The following EVI5 variants were observed in gnomAD, a reference collection of about 807,000 sequenced individuals.
EVI5 encodes the protein ecotropic viral integration site 5, also known as ecotropic viral integration site 5 protein homolog.
EVI5 carries 73 observed loss-of-function variants against 112.0 expected under a neutral mutation model. The ratio of observed to expected loss-of-function variants is 0.65; its 90% CI spans 0.54 to 0.79. The LOEUF (loss-of-function observed/expected upper bound fraction) is 0.79. Ranked by LOEUF, EVI5 falls within the 30% of genes least tolerant of loss-of-function variation. The pLI, the probability that EVI5 is intolerant of heterozygous loss-of-function variation, is 0.00. For missense variants in EVI5, 900 were observed against 968.8 expected (o/e 0.93, Z 0.94); for synonymous variants, 305 against 319.9 (o/e 0.95, Z 0.50).
chr1:92,779,548 G>T (rs1558250722), intron 1 of EVI5, among the ~76,000 whole-genome samples: 1 of 151,712 alleles, frequency 6.6e-6, no homozygotes, highest in Non-Finnish European at 1.5e-5. Context: ...TTAAGAAAAC[G>T]ATTTTTAACA....
intron 19 of EVI5, among the ~76,000 whole-genome samples, chr1:92,551,040 CT>C (rs55898086): frequency 6.9e-4 from 56 of 80,718 alleles, no homozygotes; most frequent in Admixed American, 1.0e-3. Flanking sequence ...TTCTTTCTTT[CT>C]TTTTTTTTTT....
chr1:92,528,399 A>G (rs1490022837), intron 19 of EVI5, among the ~76,000 whole-genome samples: 1 of 152,182 alleles, frequency 6.6e-6, no homozygotes, highest in East Asian at 1.9e-4. Context: ...AATTATTTTC[A>G]TTCTCAAAAG....
intron 19 of EVI5, among the ~76,000 whole-genome samples, chr1:92,561,614 T>TA (rs1557790344): frequency 5.3e-3 from 413 of 77,204 alleles, no homozygotes; most frequent in Non-Finnish European, 7.2e-3. Context: ...CTATCCTATC[T>TA]ATCTATCTAT....
intron 19 of EVI5, among the ~76,000 whole-genome samples, chr1:92,545,779 T>C (rs1665588721): frequency 1.3e-5 from 2 of 152,170 alleles, no homozygotes; most frequent in Admixed American, 6.5e-5. Context: ...CTCTCTCACT[T>C]TGGCTTCAGG....
intron 16 of EVI5, among the ~76,000 whole-genome samples, chr1:92,621,786 T>A (rs989716410): frequency 5.3e-5 from 8 of 152,174 alleles, no homozygotes; most frequent in Non-Finnish European, 5.9e-5. Context: ...ACACATAAAC[T>A]GAAATTAAGA....
chr1:92,677,085 C>T, intron 10 of EVI5, 73 bp downstream of exon 10: 1 of 913,550 alleles, frequency 1.1e-6, no homozygotes, highest in Non-Finnish European at 1.7e-6. Flanking sequence ...ATAAGAAGTA[C>T]AAACTTTAAA....
intron 2 of EVI5, among the ~76,000 whole-genome samples, chr1:92,716,530 G>A (rs760445856): frequency 1.3e-5 from 2 of 152,232 alleles, no homozygotes; most frequent in Non-Finnish European, 2.9e-5. Context: ...GAGCAGAAAA[G>A]CTAAAAATTC....
Position 92,736,548 on chromosome 1 carries a change from T to G in EVI5, c.-2A>C. 1 of 1,614,056 alleles carries G rather than the reference T, an allele frequency of 6.2e-7. No homozygotes were observed. Among genetic ancestry groups the G allele is most frequent in the South Asian group, 1.1e-5 (1 of 91,086 alleles). The stretch of plus-strand genomic sequence containing the variant: ...TGGACTTGCCACCTGACTGGCCATC[T>G]GACTGACTGTATGCGATACTGTGTT... On this transcript the variant is annotated 5_prime_UTR_variant, in exon 2 of 20. Coordinates refer to ENST00000684568, the MANE Select transcript of EVI5 (RefSeq NM_001350197.2).
At position 92,611,020 on chromosome 1, in the gene EVI5, C is replaced by T. The variant is rs1022315326; in HGVS notation, c.1828-3293G>A. Among the ~76,000 whole-genome samples the T allele has an allele frequency of 2.6e-5, 4 of 151,274 alleles. No homozygotes were observed. The South Asian group carries it at 6.2e-4, about 24-fold the overall frequency. On this transcript the variant is annotated intron_variant, in intron 16 of 19. Coordinates refer to ENST00000684568, the MANE Select transcript of EVI5 (RefSeq NM_001350197.2). ...CTAGATGACGAGTTAGTGGGTGCAG[C>T]GCACCAGCATGGCACATGTATACAT...
At chr1:92,686,222 G>A (rs1238179089) in intron 9 of EVI5, among the ~76,000 whole-genome samples, 1 of 152,132 alleles carries the variant, frequency 6.6e-6, no homozygotes, top group Non-Finnish European at 1.5e-5. Context: ...CTTCATCCCT[G>A]GGATGCAAGG....
At chr1:92,786,319 C>A (rs1248161262), upstream of EVI5, among the ~76,000 whole-genome samples, 4 of 151,514 alleles carry the variant, frequency 2.6e-5, no homozygotes, top group African/African-American at 9.7e-5. Context: ...ATGCCCTCCA[C>A]CCAGCTAAAA....
intron 14 of EVI5, among the ~76,000 whole-genome samples, chr1:92,628,796 C>A (rs1656256740): frequency 6.6e-6 from 1 of 152,164 alleles, no homozygotes; most frequent in African/African-American, 2.4e-5. Flanking sequence ...AATTTTTGCT[C>A]ATAGGGATGA....
At chr1:92,735,613 A>G (rs1480578337) in intron 2 of EVI5, among the ~76,000 whole-genome samples, 1 of 146,146 alleles carries the variant, frequency 6.8e-6, no homozygotes, top group Admixed American at 7.0e-5. Flanking sequence ...TGTATTATAT[A>G]TAATTATATG....
chr1:92,550,472 G>C (rs1050440749), intron 19 of EVI5, among the ~76,000 whole-genome samples: 40 of 151,504 alleles, frequency 2.6e-4, no homozygotes, highest in Non-Finnish European at 4.4e-4. Context: ...TTGTGCACAT[G>C]TACCCTAGAA....
rs2107517 is a variant in EVI5, at chr1:92,782,030, G to A, written c.-82+2806C>T. Among the ~76,000 whole-genome samples the A allele has an allele frequency of 6.0e-5, 9 of 150,922 alleles. No homozygotes were observed. The South Asian group carries it at 1.9e-3, about 32-fold the overall frequency. ...AATCCCAGCACTTTAGGAGGCCGAG[G>A]TGGATGGATCATGAGGTCAAGAAAT... is the stretch of plus-strand genomic sequence containing the variant. On this transcript the variant is annotated intron_variant, in intron 1 of 19. Transcript: ENST00000684568.
chr1:92,788,257 C>T (rs560775988), upstream of EVI5, among the ~76,000 whole-genome samples: 2 of 150,300 alleles, frequency 1.3e-5, no homozygotes, highest in African/African-American at 2.5e-5. Flanking sequence ...ATTGCCCGAG[C>T]GGAAGAGTTC....
intron 14 of EVI5, among the ~76,000 whole-genome samples, chr1:92,630,044 C>T (rs1656629899): frequency 6.6e-6 from 1 of 152,148 alleles, no homozygotes; most frequent in Non-Finnish European, 1.5e-5. Context: ...ATATGTGCCA[C>T]ATTTTCTTAA....
At chr1:92,715,937 T>C (rs1258755893) in intron 2 of EVI5, among the ~76,000 whole-genome samples, 2 of 151,708 alleles carry the variant, frequency 1.3e-5, no homozygotes, top group Non-Finnish European at 2.9e-5. Context: ...GAGGCTTGAG[T>C]AGGTAAACAA....
intron 1 of EVI5, among the ~76,000 whole-genome samples, chr1:92,760,779 G>A (rs185175921): frequency 8.9e-4 from 134 of 150,338 alleles, no homozygotes; most frequent in African/African-American, 3.0e-3. Flanking sequence ...TGAATAGGCC[G>A]GGCGCAGTGG....
Sources: allele counts gnomAD v4.1 joint callset (sites outside exome capture counted in the v4.1 genomes callset), GRCh38; gene constraint gnomAD v4.1.1; transcripts MANE v1.5; gene names NCBI Gene and HGNC (gene_info 2026-07-23, HGNC 2026-07-21).